The following RFX4 variants were observed in gnomAD, a reference collection of about 807,000 sequenced individuals.
The protein encoded by RFX4 is transcription factor RFX4.
In RFX4, 10 loss-of-function variants were observed where a neutral mutation model predicts 95.0. That is an observed-to-expected ratio of 0.11 (90% CI 0.06 to 0.18). The LOEUF (loss-of-function observed/expected upper bound fraction) is 0.18, where lower values mean the gene tolerates loss of function less well. Among genes scored for constraint, RFX4 ranks in the 10% least tolerant of loss-of-function variants. RFX4 has a pLI of 1.00. For synonymous variants in RFX4, 321 were observed against 340.7 expected (o/e 0.94, Z 0.64); for missense variants, 640 against 922.0 (o/e 0.69, Z 3.96).
intron 3 of RFX4, among the ~76,000 whole-genome samples, chr12:106,652,048 G>A (rs1400890111): frequency 6.6e-6 from 1 of 152,146 alleles, no homozygotes; most frequent in African/African-American, 2.4e-5. Context: ...AACCTCCCAG[G>A]CTGATTTTCA....
intron 15 of RFX4, among the ~76,000 whole-genome samples, chr12:106,741,095 A>C (rs951174778): frequency 2.6e-5 from 4 of 152,192 alleles, no homozygotes; most frequent in Non-Finnish European, 5.9e-5. Context: ...CAGTTCTGTC[A>C]ATCAGATTTT....
chr12:106,658,874 A>G (rs983941574), intron 4 of RFX4, among the ~76,000 whole-genome samples: 5 of 152,092 alleles, frequency 3.3e-5, no homozygotes, highest in African/African-American at 1.2e-4. Flanking sequence ...TAGCTCTGTT[A>G]TTGTGTTGGA....
intron 8 of RFX4, 104 bp downstream of exon 8, chr12:106,696,550 T>C (rs2041883887): frequency 1.7e-6 from 2 of 1,156,746 alleles, no homozygotes; most frequent in African/African-American, 3.1e-5. Context: ...AGGCCTCCCT[T>C]GTAAAGACCA....
intron 2 of RFX4, among the ~76,000 whole-genome samples, chr12:106,634,847 C>T (rs535506524): frequency 1.3e-5 from 2 of 152,250 alleles, no homozygotes; most frequent in East Asian, 1.9e-4. Context: ...CTGGGTTGGC[C>T]GACTCCTCTG....
intron 4 of RFX4, among the ~76,000 whole-genome samples, chr12:106,673,378 C>T (rs1225464373): frequency 6.6e-6 from 1 of 152,202 alleles, no homozygotes; most frequent in Non-Finnish European, 1.5e-5. Context: ...TCTTGTCCCA[C>T]TTCCGGCTGG....
chr12:106,639,701 A>G (rs979593593), intron 3 of RFX4, among the ~76,000 whole-genome samples: 3 of 152,220 alleles, frequency 2.0e-5, no homozygotes, highest in Non-Finnish European at 4.4e-5. Flanking sequence ...TTATAATAAA[A>G]ACAGAGGTCT....
At chr12:106,693,341 T>C (rs1342431541) in intron 7 of RFX4, among the ~76,000 whole-genome samples, 1 of 152,176 alleles carries the variant, frequency 6.6e-6, no homozygotes, top group Non-Finnish European at 1.5e-5. Context: ...TGAACAGGCT[T>C]CAAACAGACA....
chr12:106,706,473 G>C (rs2042088808), intron 8 of RFX4, among the ~76,000 whole-genome samples: 1 of 152,204 alleles, frequency 6.6e-6, no homozygotes, highest in African/African-American at 2.4e-5. Context: ...AGAAGTGGCT[G>C]TGCTTGGGAA....
rs201747242 is a variant in RFX4, at chr12:106,608,822, C to T, written c.69C>T (p.Asn23=). ...AGAGCTGGATTGAAAGATGTCTCAA[C>T]GAAAGTGAAAACAAACGTTATTCCA... is the stretch of plus-strand genomic sequence containing the variant. ...STESWIERCL[N]ESENKRYSSH... is the part of the protein sequence containing the mutation. Residue 23 remains asparagine, a synonymous_variant, in exon 2 of 18, where the codon AAC becomes AAT. Transcript: ENST00000392842. 2.1e-5 allele frequency: 34 copies of T among 1,606,724 alleles called. No individual in the cohort carries two copies. Among genetic ancestry groups the T allele is most frequent in the African/African-American group, 6.8e-5 (5 of 73,640 alleles).
chr12:106,744,862 G>A (rs2042864480), intron 15 of RFX4, among the ~76,000 whole-genome samples: 1 of 152,228 alleles, frequency 6.6e-6, no homozygotes, highest in South Asian at 2.1e-4. Context: ...CCTGCAGTTA[G>A]TGTTGACAAA....
chr12:106,609,631 C>T (rs2039914545), intron 2 of RFX4, among the ~76,000 whole-genome samples: 1 of 152,220 alleles, frequency 6.6e-6, no homozygotes, highest in Non-Finnish European at 1.5e-5. Context: ...ATAGCCCCCT[C>T]CTGAGTCTTA....
chr12:106,631,609 G>A (rs1024247490), intron 2 of RFX4, among the ~76,000 whole-genome samples: 1 of 152,206 alleles, frequency 6.6e-6, no homozygotes, highest in African/African-American at 2.4e-5. Flanking sequence ...TGTGAACACA[G>A]GGCAAGAAGA....
chr12:106,603,722 G>A (rs2039762237), intron 1 of RFX4, among the ~76,000 whole-genome samples: 1 of 152,212 alleles, frequency 6.6e-6, no homozygotes, highest in Admixed American at 6.5e-5. Flanking sequence ...GCAGTCCCCA[G>A]AACTCAGTAC....
At chr12:106,694,749 G>A (rs946838774) in intron 7 of RFX4, among the ~76,000 whole-genome samples, 1 of 152,182 alleles carries the variant, frequency 6.6e-6, no homozygotes, top group Non-Finnish European at 1.5e-5. Context: ...GATAAAGAAA[G>A]CTAATGGCGG....
At chr12:106,711,043 T>C (rs144322472) in intron 9 of RFX4, among the ~76,000 whole-genome samples, 340 of 152,348 alleles carry the variant, frequency 2.2e-3, no homozygotes, top group Non-Finnish European at 4.2e-3. Flanking sequence ...GGTTTACTAT[T>C]AGACATACTA....
intron 1 of RFX4, among the ~76,000 whole-genome samples, chr12:106,599,205 A>G (rs1473553926): frequency 1.4e-5 from 2 of 141,336 alleles, no homozygotes; most frequent in Admixed American, 1.5e-4. Context: ...TTTCTTGTAC[A>G]TTGCAGGCAA....
intron 4 of RFX4, among the ~76,000 whole-genome samples, chr12:106,665,104 T>C (rs1263411712): frequency 6.6e-6 from 1 of 151,898 alleles, no homozygotes; most frequent in East Asian, 1.9e-4. Context: ...CCAACAGTGA[T>C]ACTGGATTCA....
intron 2 of RFX4, among the ~76,000 whole-genome samples, chr12:106,614,495 G>GTA (rs1303373187): frequency 1.4e-5 from 2 of 148,138 alleles, no homozygotes; most frequent in Non-Finnish European, 3.0e-5. Context: ...GTGTGTGTGT[G>GTA]TGTGTGTGTG....
At chr12:106,624,990 T>G (rs1414865050) in intron 2 of RFX4, among the ~76,000 whole-genome samples, 1 of 152,236 alleles carries the variant, frequency 6.6e-6, no homozygotes, top group Admixed American at 6.5e-5. Context: ...CATGAGCCTT[T>G]CAGTATCAGC....
Sources: allele counts gnomAD v4.1 joint callset (sites outside exome capture counted in the v4.1 genomes callset), GRCh38; gene constraint gnomAD v4.1.1; transcripts MANE v1.5; gene names NCBI Gene and HGNC (gene_info 2026-07-23, HGNC 2026-07-21).